IFT46: variants seen among roughly 807,000 people sequenced by gnomAD.
IFT46 encodes the protein intraflagellar transport 46, also known as intraflagellar transport protein 46 homolog.
In IFT46, 19 loss-of-function variants were observed where a neutral mutation model predicts 39.6. The ratio of observed to expected loss-of-function variants is 0.48; its 90% CI spans 0.33 to 0.70. The LOEUF is 0.70. IFT46 is among the 30% of genes least tolerant of loss of function. IFT46 has a pLI of 0.01. For missense variants in IFT46, 334 were observed against 364.8 expected (o/e 0.92, Z 0.69); for synonymous variants, 117 against 134.8 (o/e 0.87, Z 0.91).
chr11:118,566,428 C>T (rs1175620037), upstream of IFT46, among the ~76,000 whole-genome samples: 1 of 152,126 alleles, frequency 6.6e-6, no homozygotes, highest in Non-Finnish European at 1.5e-5. Context: ...CGCGGTGGCT[C>T]ACGCCTGTAA....
At chr11:118,555,442 C>T in intron 4 of IFT46, 120 bp from the exon 5 acceptor site, 2 of 692,768 alleles carry the variant, frequency 2.9e-6, no homozygotes, top group South Asian at 1.8e-5. Context: ...TCTGCCTCTC[C>T]AATATCTGCC....
chr11:118,567,772 T>G (rs1938261415), upstream of IFT46, among the ~76,000 whole-genome samples: 1 of 152,240 alleles, frequency 6.6e-6, no homozygotes, highest in Non-Finnish European at 1.5e-5. Flanking sequence ...GGATATGTAA[T>G]GTGCAGTACT....
chr11:118,570,191 C>G (rs541712319), upstream of IFT46, among the ~76,000 whole-genome samples: 1 of 151,454 alleles, frequency 6.6e-6, no homozygotes, highest in Admixed American at 6.6e-5. Flanking sequence ...ACAGCTGAGA[C>G]TACAGGCACG....
At chr11:118,558,905 T>A (rs1290612731) in intron 3 of IFT46, among the ~76,000 whole-genome samples, 1 of 145,556 alleles carries the variant, frequency 6.9e-6, no homozygotes. Flanking sequence ...AGAGCAAGAC[T>A]CTGTCTCAAA....
upstream of IFT46, among the ~76,000 whole-genome samples, chr11:118,574,140 C>T (rs782081634): frequency 1.3e-5 from 2 of 152,002 alleles, no homozygotes; most frequent in Non-Finnish European, 2.9e-5. Context: ...GACATGTGTA[C>T]GTATACATAG....
intron 2 of IFT46, among the ~76,000 whole-genome samples, chr11:118,564,339 G>A (rs141129030): frequency 2.6e-5 from 4 of 152,000 alleles, no homozygotes; most frequent in Non-Finnish European, 5.9e-5. Context: ...TACCAGCATC[G>A]GGATGGCAGG....
intron 2 of IFT46, among the ~76,000 whole-genome samples, chr11:118,564,726 G>A (rs552027467): frequency 6.6e-6 from 1 of 152,186 alleles, no homozygotes; most frequent in East Asian, 1.9e-4. Flanking sequence ...TGAATTCCTG[G>A]CAGACAGTGA....
chr11:118,545,997 T>C, intron 9 of IFT46, 144 bp from the exon 10 acceptor site: 1 of 729,450 alleles, frequency 1.4e-6, no homozygotes, highest in Non-Finnish European at 2.5e-6. Context: ...AGATATTGAG[T>C]TCCTAACTCC....
At chr11:118,561,348 AC>A (rs1236068668) in intron 2 of IFT46, 2 of 929,544 alleles carry the variant, frequency 2.2e-6, no homozygotes, top group East Asian at 4.8e-5. Context: ...GCTTACAAGA[AC>A]CAGTTCTCTC....
intron 3 of IFT46, among the ~76,000 whole-genome samples, chr11:118,559,232 G>A (rs782633725): frequency 3.3e-5 from 5 of 151,968 alleles, no homozygotes; most frequent in Non-Finnish European, 7.4e-5. Context: ...CTAGAGAGGT[G>A]GGCCTCTTGC....
upstream of IFT46, among the ~76,000 whole-genome samples, chr11:118,566,746 C>A (rs1938236437): frequency 6.6e-6 from 1 of 152,124 alleles, no homozygotes; most frequent in Non-Finnish European, 1.5e-5. Flanking sequence ...CTAAAGTAGA[C>A]TTTTAACTTA....
chr11:118,576,017 T>A (rs1938490205), upstream of IFT46, among the ~76,000 whole-genome samples: 1 of 151,658 alleles, frequency 6.6e-6, no homozygotes, highest in Non-Finnish European at 1.5e-5. Context: ...ATGCTTAGAC[T>A]TACAGAACTT....
intron 7 of IFT46, 119 bp from the exon 8 acceptor site, chr11:118,552,454 C>A: frequency 8.3e-7 from 1 of 1,211,228 alleles, no homozygotes; most frequent in African/African-American, 1.5e-5. Flanking sequence ...GCTGCTGCCA[C>A]GTGAAACAGT....
In IFT46 at chr11:118,555,316, A is replaced by T; in HGVS notation, c.192T>A (p.Tyr64Ter). 1.2e-6 allele frequency: 2 copies of T among 1,613,834 alleles called. No individual in the cohort carries two copies. The highest frequency in any genetic ancestry group is 1.1e-5 in the South Asian group (1 of 91,078). The change falls in exon 5 of 12, where the codon TAT (tyrosine) becomes TAA (stop). Residue 64 changes from tyrosine (Y) to a stop codon, truncating the protein, a stop_gained. Transcript: ENST00000264021. LOFTEE classifies it high-confidence loss of function. ...EEHGAPLEGAYDPADYEHLPV... is the reference protein window; with the variant it reads ...EEHGAPLEGA ...GCAAATGCTCATAGTCTGCAGGGTCATAGGCCCTGGGAAAAGGAAAACAGT... is the reference window on the plus strand; with the variant it reads ...GCAAATGCTCATAGTCTGCAGGGTCTTAGGCCCTGGGAAAAGGAAAACAGT...
intron 3 of IFT46, chr11:118,557,771 CACCCTCTCAA>C (rs1384192376): frequency 3.1e-6 from 5 of 1,613,994 alleles, no homozygotes; most frequent in African/African-American, 1.3e-5. Flanking sequence ...TGTACCATCC[CACCCTCTCAA>C]GTACATGAGA....
At chr11:118,546,473 G>T in intron 9 of IFT46, 1 of 300,302 alleles carries the variant, frequency 3.3e-6, no homozygotes, top group African/African-American at 2.2e-5. Context: ...CCTGGGCATA[G>T]AGTAATACCC....
intron 1 of IFT46, chr11:118,565,457 C>CTGGGGTGGGGTGGGGTGGGG (rs1208432053): frequency 8.4e-4 from 54 of 64,316 alleles, no homozygotes; most frequent in African/African-American, 1.7e-3. Flanking sequence ...GGAGTCACCT[C>CTGGGGTGGGGTGGGGTGGGG]TGGGGTGGGG....
intron 6 of IFT46, 70 bp from the exon 7 acceptor site, chr11:118,554,657 G>A (rs782331303): frequency 1.9e-5 from 28 of 1,476,924 alleles, no homozygotes; most frequent in Non-Finnish European, 2.5e-5. Context: ...GAACACTTCT[G>A]GTTCATCATT....
chr11:118,570,437 C>G (rs1689983873), upstream of IFT46, among the ~76,000 whole-genome samples: 2 of 152,036 alleles, frequency 1.3e-5, no homozygotes. Context: ...CTTTTTTGAT[C>G]CTCAGTATCT....
Sources: gnomAD v4.1 joint callset for allele counts (sites outside exome capture counted in the v4.1 genomes callset) on GRCh38, gnomAD v4.1.1 for gene constraint, MANE v1.5 for transcripts, NCBI Gene and HGNC (gene_info 2026-07-23, HGNC 2026-07-21) for gene names.